PALLD: variants seen among roughly 807,000 people sequenced by gnomAD.
The protein encoded by PALLD is palladin.
PALLD carries 61 observed loss-of-function variants against 123.5 expected under a neutral mutation model. The ratio of observed to expected loss-of-function variants is 0.49; its 90% CI spans 0.40 to 0.61. The LOEUF (loss-of-function observed/expected upper bound fraction) is 0.61. PALLD is among the 20% of genes least tolerant of loss of function. PALLD has a pLI of 0.00. For synonymous variants in PALLD, 465 were observed against 496.4 expected, an observed-to-expected ratio of 0.94 and a Z score of 0.84; for missense variants, 1,273 against 1,377.0, an observed-to-expected ratio of 0.92 and a Z score of 1.20.
intron 2 of PALLD, among the ~76,000 whole-genome samples, chr4:168,639,992 C>A (rs1776779426): frequency 6.6e-6 from 1 of 152,178 alleles, no homozygotes; most frequent in Non-Finnish European, 1.5e-5. Context: ...ATCTGTTGAA[C>A]TATATCCAAG....
chr4:168,880,894 C>T (rs1476063427), intron 10 of PALLD, among the ~76,000 whole-genome samples: 5 of 151,996 alleles, frequency 3.3e-5, no homozygotes, highest in Admixed American at 6.6e-5. Context: ...TTTCCAATAT[C>T]TTAGTTTTCT....
At chr4:168,716,113 A>G (rs1311829498) in intron 10 of PALLD, among the ~76,000 whole-genome samples, 1 of 152,170 alleles carries the variant, frequency 6.6e-6, no homozygotes, top group Non-Finnish European at 1.5e-5. Flanking sequence ...AGATCCAACA[A>G]TATATAAATA....
At chr4:168,900,783 C>T (rs1756341692) in intron 14 of PALLD, among the ~76,000 whole-genome samples, 1 of 152,186 alleles carries the variant, frequency 6.6e-6, no homozygotes, top group South Asian at 2.1e-4. Context: ...TCTGCATTAA[C>T]AACTGTGTAT....
intron 2 of PALLD, among the ~76,000 whole-genome samples, chr4:168,614,812 T>G (rs529388149): frequency 6.6e-6 from 1 of 152,188 alleles, no homozygotes; most frequent in Non-Finnish European, 1.5e-5. Flanking sequence ...TCCAAAAGCA[T>G]GCGTTCCTCC....
chr4:168,685,679 T>C, intron 6 of PALLD, 120 bp downstream of exon 6: 2 of 769,122 alleles, frequency 2.6e-6, no homozygotes, highest in Admixed American at 1.8e-5. Flanking sequence ...CTGATTACCA[T>C]GGTTACCTTT....
intron 10 of PALLD, chr4:168,877,633 C>A: frequency 1.6e-6 from 1 of 645,048 alleles, no homozygotes; most frequent in South Asian, 7.2e-5. Context: ...GCCTAAGTGC[C>A]AAGCGATGTC....
At chr4:168,768,515 A>T (rs1436514704) in intron 10 of PALLD, among the ~76,000 whole-genome samples, 1 of 152,234 alleles carries the variant, frequency 6.6e-6, no homozygotes, top group Non-Finnish European at 1.5e-5. Flanking sequence ...AAAGTTTCTT[A>T]CATTTATATA....
At chr4:168,683,199 C>A in intron 5 of PALLD, 96 bp downstream of exon 5, 2 of 653,074 alleles carry the variant, frequency 3.1e-6, no homozygotes, top group South Asian at 3.7e-5. Flanking sequence ...TAGTATACTC[C>A]CTTGAAATAT....
chr4:168,893,707 A>G (rs1316439560), intron 11 of PALLD, among the ~76,000 whole-genome samples: 2 of 152,228 alleles, frequency 1.3e-5, no homozygotes, highest in Admixed American at 6.5e-5. Flanking sequence ...TAGAATGAGT[A>G]TTCAAGAGCA....
At chr4:168,860,445 T>G (rs1372775374) in intron 10 of PALLD, among the ~76,000 whole-genome samples, 2 of 152,128 alleles carry the variant, frequency 1.3e-5, no homozygotes, top group Non-Finnish European at 2.9e-5. Flanking sequence ...AAAAGAGAGA[T>G]GGGAGTACTC....
chr4:168,922,138 C>T (rs1761705943), intron 18 of PALLD, among the ~76,000 whole-genome samples: 1 of 123,228 alleles, frequency 8.1e-6, no homozygotes, highest in Admixed American at 8.6e-5. Context: ...CACACACACA[C>T]ACACACCTGG....
chr4:168,678,396 C>G (rs1781084537), intron 3 of PALLD, among the ~76,000 whole-genome samples: 1 of 152,154 alleles, frequency 6.6e-6, no homozygotes, highest in African/African-American at 2.4e-5. Context: ...CCTCAGGGAA[C>G]TCATCATTTT....
rs910983714 is a variant in PALLD, at chr4:168,590,925, G to A, written c.909-77265G>A. 4.7e-5 allele frequency among the ~76,000 whole-genome samples: 6 copies of A among 127,026 alleles called. 1 individual carries two copies. Among genetic ancestry groups the A allele is most frequent in the African/African-American group, 9.1e-5 (3 of 32,878 alleles). 83.3% of individuals were successfully genotyped at this position (127,026 alleles called of 152,430 possible). On this transcript the variant is annotated intron_variant, in intron 2 of 21. Coordinates refer to ENST00000505667, the MANE Select transcript of PALLD (RefSeq NM_001166108.2). ...AGGGAGTTTCACTCTTGTTGCCCAG[G>A]CTAGAGTGCAATGGTGCGATCTCGG... is the stretch of plus-strand genomic sequence containing the variant.
At chr4:168,733,339 C>A (rs953990509) in intron 10 of PALLD, among the ~76,000 whole-genome samples, 4 of 152,084 alleles carry the variant, frequency 2.6e-5, no homozygotes, top group African/African-American at 9.7e-5. Context: ...CCCTGAAATT[C>A]TACAAATTTA....
intron 2 of PALLD, among the ~76,000 whole-genome samples, chr4:168,597,388 T>A (rs1467675186): frequency 6.6e-6 from 1 of 152,062 alleles, no homozygotes; most frequent in African/African-American, 2.4e-5. Flanking sequence ...GAATACAATA[T>A]TAAGCATGCT....
At chr4:168,807,126 G>T (rs1399143938) in intron 10 of PALLD, among the ~76,000 whole-genome samples, 1 of 152,114 alleles carries the variant, frequency 6.6e-6, no homozygotes, top group Non-Finnish European at 1.5e-5. Context: ...AAGGGGAAAA[G>T]ATTAGAGGAG....
At chr4:168,747,202 C>T (rs1455050612) in intron 10 of PALLD, among the ~76,000 whole-genome samples, 1 of 152,198 alleles carries the variant, frequency 6.6e-6, no homozygotes, top group Admixed American at 6.5e-5. Context: ...TGTGTTGGTG[C>T]CACACTCTAA....
intron 15 of PALLD, among the ~76,000 whole-genome samples, chr4:168,905,792 T>TTTTTC (rs1385118806): frequency 7.0e-5 from 1 of 14,212 alleles, no homozygotes; most frequent in East Asian, 0.013. Flanking sequence ...TTTTTTTTCT[T>TTTTTC]TTTTTTTTTT....
chr4:168,581,215 G>A (rs1288468726), intron 2 of PALLD, among the ~76,000 whole-genome samples: 4 of 151,976 alleles, frequency 2.6e-5, no homozygotes, highest in African/African-American at 9.7e-5. Flanking sequence ...ATGAACGTGG[G>A]AGTGCAGATG....
Sources: allele counts gnomAD v4.1 joint callset (sites outside exome capture counted in the v4.1 genomes callset), GRCh38; gene constraint gnomAD v4.1.1; transcripts MANE v1.5; gene names NCBI Gene and HGNC (gene_info 2026-07-23, HGNC 2026-07-21).